The following CDK14 variants were observed in gnomAD, a reference collection of about 807,000 sequenced individuals.
CDK14 encodes cyclin-dependent kinase 14.
CDK14 carries 34 observed loss-of-function variants against 60.7 expected under a neutral mutation model. That is an observed-to-expected ratio of 0.56 (90% confidence interval 0.43 to 0.75). The LOEUF (loss-of-function observed/expected upper bound fraction) is 0.75, where lower values mean the gene tolerates loss of function less well. CDK14 is among the 30% of genes least tolerant of loss of function. CDK14 has a pLI of 0.00. For missense variants in CDK14, 482 were observed against 564.1 expected (o/e 0.85, Z 1.47); for synonymous variants, 197 against 203.7 (o/e 0.97, Z 0.28).
intron 1 of CDK14, 25 bp downstream of exon 1, chr7:90,596,743 C>T (rs754078198): frequency 1.3e-6 from 2 of 1,579,186 alleles, no homozygotes; most frequent in South Asian, 1.1e-5. Flanking sequence ...GCCCCCGGCC[C>T]CCCCAGCGCC....
chr7:91,185,517 A>T (rs1802149814), intron 14 of CDK14, among the ~76,000 whole-genome samples: 1 of 152,016 alleles, frequency 6.6e-6, no homozygotes, highest in Non-Finnish European at 1.5e-5. Context: ...ATATTCCTAT[A>T]ATGATTTATC....
intron 9 of CDK14, among the ~76,000 whole-genome samples, chr7:90,975,539 A>G (rs1055189379): frequency 7.3e-5 from 11 of 151,376 alleles, no homozygotes; most frequent in African/African-American, 2.4e-4. Context: ...TATTATTGTT[A>G]TAGTCTTAAT....
In CDK14 at chr7:91,147,580, G is replaced by A. The variant is rs1242792062; in HGVS notation, c.*28+29372G>A. Among the ~76,000 whole-genome samples, 4 of 152,134 alleles carry A rather than the reference G, an allele frequency of 2.6e-5. No individual in the cohort carries two copies. The South Asian group carries it at 6.2e-4, about 24-fold the overall frequency. On this transcript the variant is annotated intron_variant, in intron 14 of 14. Coordinates refer to ENST00000380050, the MANE Select transcript of CDK14 (RefSeq NM_001287135.2). The stretch of plus-strand genomic sequence containing the variant: ...TCTCAGATAACTCAGAATGATTGGC[G>A]AGACATGCCTTCTCTACATGTAAAC...
intron 12 of CDK14, among the ~76,000 whole-genome samples, chr7:91,110,791 T>C (rs944660764): frequency 6.6e-6 from 1 of 152,210 alleles, no homozygotes; most frequent in Non-Finnish European, 1.5e-5. Flanking sequence ...TTATCAAAAC[T>C]ATATAAAATT....
intron 5 of CDK14, among the ~76,000 whole-genome samples, chr7:90,861,206 A>G (rs1312063053): frequency 6.6e-6 from 1 of 152,150 alleles, no homozygotes; most frequent in Non-Finnish European, 1.5e-5. Context: ...AGATATATCA[A>G]TGGGGGAAAA....
intron 11 of CDK14, among the ~76,000 whole-genome samples, chr7:91,071,450 C>G (rs1181688696): frequency 6.6e-6 from 1 of 152,096 alleles, no homozygotes; most frequent in African/African-American, 2.4e-5. Flanking sequence ...GACCCCTCAC[C>G]CCCCCAGCCA....
intron 2 of CDK14, among the ~76,000 whole-genome samples, chr7:90,698,466 C>G (rs576704930): frequency 6.6e-6 from 1 of 152,250 alleles, no homozygotes; most frequent in Non-Finnish European, 1.5e-5. Context: ...ATTCTTCATA[C>G]ATAGATAATA....
At chr7:91,073,825 GA>G (rs369302312) in intron 11 of CDK14, among the ~76,000 whole-genome samples, 6,829 of 137,464 alleles carry the variant, frequency 0.05, 477 homozygotes, top group African/African-American at 0.17. Context: ...CAAATGAAAA[GA>G]AAAAAAAAAA....
intron 5 of CDK14, among the ~76,000 whole-genome samples, chr7:90,855,413 T>C (rs1014370785): frequency 1.3e-5 from 2 of 152,198 alleles, no homozygotes; most frequent in Non-Finnish European, 1.5e-5. Context: ...CTTTAGCAAA[T>C]TCACTTGTAA....
At chr7:91,095,234 G>A (rs368667940) in intron 12 of CDK14, among the ~76,000 whole-genome samples, 17 of 152,276 alleles carry the variant, frequency 1.1e-4, no homozygotes, top group South Asian at 4.1e-4. Context: ...TTCTTAATCC[G>A]TGTCCTTAGC....
At chr7:91,106,038 G>T (rs1562906597) in intron 12 of CDK14, among the ~76,000 whole-genome samples, 3 of 152,154 alleles carry the variant, frequency 2.0e-5, no homozygotes. Flanking sequence ...AATTTAATGA[G>T]ATCGCATTGC....
intron 14 of CDK14, among the ~76,000 whole-genome samples, chr7:91,153,466 ACATGGAATCAACCTAAATG>A (rs1334314775): frequency 6.6e-6 from 1 of 152,202 alleles, no homozygotes; most frequent in Non-Finnish European, 1.5e-5. Context: ...ATTAGCAAAG[ACATGGAATCAACCTAAATG>A]CCCACCAATG....
chr7:90,620,422 T>C (rs1191582689), intron 2 of CDK14, among the ~76,000 whole-genome samples: 1 of 152,104 alleles, frequency 6.6e-6, no homozygotes, highest in Non-Finnish European at 1.5e-5. Flanking sequence ...GAGTGACGCT[T>C]CTCCACCTGA....
At chr7:91,075,243 T>C (rs142190743) in intron 11 of CDK14, among the ~76,000 whole-genome samples, 5,115 of 152,134 alleles carry the variant, frequency 0.034, 132 homozygotes, top group Non-Finnish European at 0.054. Context: ...AAATCCTCAA[T>C]AAAATACTGA....
chr7:91,208,214 C>T lies in CDK14; in HGVS notation c.*1078C>T, dbSNP rs1380661931. On this transcript the variant is annotated 3_prime_UTR_variant, in exon 15 of 15. Transcript: ENST00000380050. ...TCATTGGGTTCTTACTTTAAGACAT[C>T]TCCTGGAATAACTGTTCAAATGCAG... 6.6e-6 allele frequency: 1 copy of T among 152,630 alleles called. No individual in the cohort carries two copies. Among genetic ancestry groups the T allele is most frequent in the Non-Finnish European group, 1.5e-5 (1 of 68,048 alleles). 9.5% of individuals were successfully genotyped at this position (152,630 alleles called of 1,614,324 possible). A position where few individuals can be genotyped will look rare whatever the true frequency, so the allele number is the denominator to read the frequency against.
At chr7:90,630,890 G>A (rs1200397804) in intron 2 of CDK14, among the ~76,000 whole-genome samples, 4 of 110,118 alleles carry the variant, frequency 3.6e-5, no homozygotes, top group African/African-American at 5.9e-5. Context: ...GGGTGTGTAT[G>A]TGTGTGTGTG....
At chr7:91,034,835 C>G (rs1562876947) in intron 10 of CDK14, among the ~76,000 whole-genome samples, 1 of 152,128 alleles carries the variant, frequency 6.6e-6, no homozygotes, top group Non-Finnish European at 1.5e-5. Flanking sequence ...ATACTCTAAT[C>G]TCTTACCTAG....
intron 12 of CDK14, among the ~76,000 whole-genome samples, chr7:91,087,963 G>A (rs1044061109): frequency 6.6e-6 from 1 of 152,192 alleles, no homozygotes; most frequent in African/African-American, 2.4e-5. Context: ...TTATTAGACA[G>A]TTTTCCAAAT....
intron 5 of CDK14, among the ~76,000 whole-genome samples, chr7:90,859,024 GC>G (rs1790920236): frequency 6.6e-6 from 1 of 152,154 alleles, no homozygotes. Flanking sequence ...GATAAAATAA[GC>G]CTGTAGATAT....
Sources: allele counts gnomAD v4.1 joint callset (sites outside exome capture counted in the v4.1 genomes callset), GRCh38; gene constraint gnomAD v4.1.1; transcripts MANE v1.5; gene names NCBI Gene and HGNC (gene_info 2026-07-23, HGNC 2026-07-21).